Variants in FSHR observed in about 807,000 individuals in gnomAD.
FSHR encodes the protein follicle stimulating hormone receptor, also known as follicle-stimulating hormone receptor.
Under a neutral mutation model 52.1 loss-of-function variants are expected in FSHR, and 46 were observed. That is an observed-to-expected ratio of 0.88 (90% CI 0.70 to 1.13). The LOEUF (loss-of-function observed/expected upper bound fraction) is 1.13. FSHR is among the 50% of genes most tolerant of loss of function. The probability of loss-of-function intolerance (pLI) is 0.00; values close to 1 mark genes in which losing one functional copy is unlikely to be tolerated. For synonymous variants in FSHR, 399 were observed against 309.6 expected, an observed-to-expected ratio of 1.29 and a Z score of -3.03; for missense variants, 964 against 834.6, an observed-to-expected ratio of 1.16 and a Z score of -1.91.
Position 49,017,855 on chromosome 2 carries a change from T to C in FSHR, c.300-292A>G, listed in dbSNP as rs3827492. On this transcript the variant is annotated intron_variant, in intron 3 of 9. Coordinates refer to ENST00000406846, the MANE Select transcript of FSHR (RefSeq NM_000145.4). Reference sequence around the variant, plus strand: ...ACAGAGCATTGGCTGGGTGGGTTCTTGTCACCCTGAGCAGAGCTGCATCTT... The same window carrying C: ...ACAGAGCATTGGCTGGGTGGGTTCTCGTCACCCTGAGCAGAGCTGCATCTT... Among the ~76,000 whole-genome samples the C allele has an allele frequency of 0.61, 93,025 of 151,942 alleles. 28,843 individuals carry two copies. Among genetic ancestry groups the C allele is most frequent in the East Asian group, 0.74 (3,833 of 5,150 alleles).
chr2:49,032,221 G>T (rs1241627828), intron 2 of FSHR, among the ~76,000 whole-genome samples: 2 of 152,186 alleles, frequency 1.3e-5, no homozygotes, highest in Non-Finnish European at 2.9e-5. Flanking sequence ...CTCTGAGTTT[G>T]TCTATCACAT....
intron 2 of FSHR, among the ~76,000 whole-genome samples, chr2:49,020,728 C>T (rs562635216): frequency 2.0e-5 from 3 of 152,242 alleles, no homozygotes; most frequent in Non-Finnish European, 4.4e-5. Context: ...TGTCCTAGAT[C>T]GTGGAGTTGT....
rs1305485137 is a variant in FSHR, at chr2:49,010,072, G to C, written c.374+7417C>G. Among the ~76,000 whole-genome samples, 3 of 76,992 alleles carry C rather than the reference G, an allele frequency of 3.9e-5. 1 individual carries two copies. The highest frequency in any genetic ancestry group is 9.6e-5 in the African/African-American group (3 of 31,370). The allele number at this position is 76,992 out of a possible 152,430, so 50.5% of individuals were successfully genotyped here. On this transcript the variant is annotated intron_variant, in intron 4 of 9. Transcript: ENST00000406846. The stretch of plus-strand genomic sequence containing the variant: ...AGAACTTCCAACACTATGTTGAATA[G>C]GACCGGTGAGAGAGGGCATCCCTGT...
At chr2:49,037,406 C>A (rs1233639425) in intron 2 of FSHR, among the ~76,000 whole-genome samples, 1 of 152,200 alleles carries the variant, frequency 6.6e-6, no homozygotes, top group East Asian at 1.9e-4. Context: ...TTCTAACCCA[C>A]TTCATGGGAT....
At position 48,962,495 on chromosome 2, in the gene FSHR, T is replaced by C. The variant is rs1263128727; in HGVS notation, c.*238A>G. 5 of 515,258 alleles carry C rather than the reference T, an allele frequency of 9.7e-6. No individual in the cohort carries two copies. The highest frequency in any genetic ancestry group is 7.2e-5 in the East Asian group (2 of 27,838). 31.9% of individuals were successfully genotyped at this position (515,258 alleles called of 1,614,324 possible). A position where few individuals can be genotyped will look rare whatever the true frequency, so the allele number is the denominator to read the frequency against. On this transcript the variant is annotated 3_prime_UTR_variant, in exon 10 of 10. Transcript: ENST00000406846. The stretch of plus-strand genomic sequence containing the variant: ...ACATAACGTGCAAAAATAACATATA[T>C]AAGGATAAAATATGTAATACAGTAT...
At chr2:48,968,563 C>A (rs1389511699) in intron 9 of FSHR, 135 bp downstream of exon 9, 3 of 1,033,932 alleles carry the variant, frequency 2.9e-6, no homozygotes, top group Non-Finnish European at 4.4e-6. Flanking sequence ...GAATTTTTGA[C>A]CCAGAATGTG....
chr2:49,080,153 T>A (rs2349711), intron 1 of FSHR, among the ~76,000 whole-genome samples: 74,156 of 151,984 alleles, frequency 0.49, 18,844 homozygotes, highest in East Asian at 0.76. Context: ...CTTTGACACC[T>A]TTATTCACCA....
At chr2:49,053,058 G>A (rs1473251526) in intron 2 of FSHR, among the ~76,000 whole-genome samples, 2 of 152,124 alleles carry the variant, frequency 1.3e-5, no homozygotes, top group African/African-American at 4.8e-5. Flanking sequence ...AGTGATCTGG[G>A]GGTGGAGGCT....
chr2:49,004,692 G>C (rs1392604075), intron 4 of FSHR, among the ~76,000 whole-genome samples: 1 of 152,136 alleles, frequency 6.6e-6, no homozygotes, highest in African/African-American at 2.4e-5. Flanking sequence ...GCTGATGGGA[G>C]TGTCTGATGA....
chr2:49,087,932 GTGA>G (rs1400634054), intron 1 of FSHR, among the ~76,000 whole-genome samples: 5 of 152,128 alleles, frequency 3.3e-5, no homozygotes, highest in Admixed American at 1.3e-4. Flanking sequence ...AGAGTGTGTG[GTGA>G]TGATGACAGT....
At chr2:49,059,355 A>G (rs1572691441) in intron 2 of FSHR, among the ~76,000 whole-genome samples, 1 of 152,138 alleles carries the variant, frequency 6.6e-6, no homozygotes, top group Non-Finnish European at 1.5e-5. Flanking sequence ...GCAGCATCAA[A>G]CTACCAGACT....
At chr2:49,090,123 G>A (rs1670547077) in intron 1 of FSHR, among the ~76,000 whole-genome samples, 1 of 110,476 alleles carries the variant, frequency 9.1e-6, no homozygotes, top group Non-Finnish European at 1.8e-5. Flanking sequence ...CAGTAAAATC[G>A]AGTGTGTGTG....
intron 1 of FSHR, among the ~76,000 whole-genome samples, chr2:49,122,423 G>A (rs184994541): frequency 3.9e-5 from 6 of 152,238 alleles, no homozygotes; most frequent in Admixed American, 2.0e-4. Flanking sequence ...TACTACAGTC[G>A]GGGTCTTCTT....
rs188117872 is a variant in FSHR, at chr2:49,094,707, C to T, written c.153-26417G>A. Among the ~76,000 whole-genome samples the T allele has an allele frequency of 3.3e-3, 503 of 151,514 alleles. 1 individual carries two copies. Among genetic ancestry groups the T allele is most frequent in the Non-Finnish European group, 5.0e-3 (342 of 67,868 alleles). ...GAAAATGTATAGCTACAAATGCCTA[C>T]GTTAAAAAAGAAGAAAAATCTCCAG... On this transcript the variant is annotated intron_variant, in intron 1 of 9. Coordinates refer to ENST00000406846, the MANE Select transcript of FSHR (RefSeq NM_000145.4).
intron 1 of FSHR, among the ~76,000 whole-genome samples, chr2:49,083,493 A>G (rs13004077): frequency 0.21 from 29,001 of 139,420 alleles, 2,840 homozygotes; most frequent in African/African-American, 0.25. Context: ...CACACATAAC[A>G]ATATTAACTT....
chr2:49,105,020 A>G (rs1179287875), intron 1 of FSHR, among the ~76,000 whole-genome samples: 1 of 152,194 alleles, frequency 6.6e-6, no homozygotes, highest in East Asian at 1.9e-4. Flanking sequence ...TGAGTTGAGA[A>G]ATCCGTAGAT....
At chr2:49,007,969 G>C (rs998925801) in intron 4 of FSHR, among the ~76,000 whole-genome samples, 1 of 151,572 alleles carries the variant, frequency 6.6e-6, no homozygotes. Context: ...GCAGGGTCAG[G>C]AATTTAATAA....
intron 1 of FSHR, among the ~76,000 whole-genome samples, chr2:49,147,385 A>G (rs888447023): frequency 6.6e-6 from 1 of 152,074 alleles, no homozygotes; most frequent in African/African-American, 2.4e-5. Context: ...AGATAACCCA[A>G]TTAGTGGCTT....
At chr2:49,045,815 T>C (rs1482829222) in intron 2 of FSHR, among the ~76,000 whole-genome samples, 4 of 152,208 alleles carry the variant, frequency 2.6e-5, no homozygotes, top group Non-Finnish European at 4.4e-5. Context: ...ATGAGAAATA[T>C]TGAGCAAAAA....
Sources: allele counts gnomAD v4.1 joint callset (sites outside exome capture counted in the v4.1 genomes callset), GRCh38; gene constraint gnomAD v4.1.1; transcripts MANE v1.5; gene names NCBI Gene and HGNC (gene_info 2026-07-23, HGNC 2026-07-21).